The following UFM1 variants were observed in gnomAD, a reference collection of about 807,000 sequenced individuals.
The protein encoded by UFM1 is ubiquitin-fold modifier 1.
UFM1 carries 9 observed loss-of-function variants against 15.4 expected under a neutral mutation model. That is an observed-to-expected ratio of 0.59 (90% CI 0.35 to 1.02). The LOEUF is 1.02. Among genes scored for constraint, UFM1 ranks in the 50% least tolerant of loss-of-function variants. The pLI, the probability that UFM1 is intolerant of heterozygous loss-of-function variation, is 0.02. For synonymous variants in UFM1, 27 were observed against 36.3 expected (o/e 0.74, Z 0.92); for missense variants, 98 against 104.7 (o/e 0.94, Z 0.28).
intron 3 of UFM1, among the ~76,000 whole-genome samples, chr13:38,356,809 C>G (rs1343658175): frequency 6.6e-6 from 1 of 151,376 alleles, no homozygotes. Context: ...GAGAAGACCA[C>G]TAGTTAAATG....
chr13:38,356,664 T>G (rs1382982097), intron 3 of UFM1, among the ~76,000 whole-genome samples: 2 of 133,564 alleles, frequency 1.5e-5, no homozygotes, highest in Non-Finnish European at 3.1e-5. Context: ...GAGTAGTGTT[T>G]CCCAGACAAC....
At position 38,358,114 on chromosome 13, in the gene UFM1, A is replaced by T; in HGVS notation, c.139A>T (p.Ser47Cys). Reference protein sequence around the residue: ...AEEFKVPAATSAIITNDGIGI... With the variant: ...AEEFKVPAATCAIITNDGIGI... Reference sequence around the variant, plus strand: ...TTAGTTTAAAGTTCCTGCTGCAACAAGTGCAATTATTACCAATGGTAAGAA... The same window carrying T: ...TTAGTTTAAAGTTCCTGCTGCAACATGTGCAATTATTACCAATGGTAAGAA... Residue 47 changes from serine (S) to cysteine (C), a missense_variant, in exon 4 of 6, where the codon AGT becomes TGT. By Grantham distance (112) the Ser-to-Cys change is moderately radical. Transcript: ENST00000239878. The T allele has an allele frequency of 6.9e-7, 1 of 1,454,924 alleles. No homozygotes were observed. Among genetic ancestry groups the T allele is most frequent in the South Asian group, 1.5e-5 (1 of 68,556 alleles). The allele number at this position is 1,454,924 out of a possible 1,614,324, so 90.1% of individuals were successfully genotyped here.
intron 2 of UFM1, among the ~76,000 whole-genome samples, chr13:38,352,102 CTTTTT>C (rs35879418): frequency 3.8e-5 from 4 of 105,342 alleles, no homozygotes; most frequent in Non-Finnish European, 6.2e-5. Flanking sequence ...TTCTTTCTTT[CTTTTT>C]TTTTTTTTTT....
chr13:38,362,473 T>G lies in UFM1; in HGVS notation c.*1695T>G, dbSNP rs1039059731. The G allele has an allele frequency of 6.6e-5, 10 of 151,178 alleles. No individual in the cohort carries two copies. The highest frequency in any genetic ancestry group is 1.9e-4 in the African/African-American group (8 of 41,284). 9.4% of individuals were successfully genotyped at this position (151,178 alleles called of 1,614,324 possible). ...TATTTTTATTTATTTGTTTTGTTTT[T>G]TTTTTTTTGAGGCAGACTCTCTGTC... On this transcript the variant is annotated 3_prime_UTR_variant, in exon 6 of 6. Coordinates refer to ENST00000239878, the MANE Select transcript of UFM1 (RefSeq NM_016617.4).
intron 5 of UFM1, chr13:38,360,122 T>A (rs954137359): frequency 6.2e-6 from 2 of 323,780 alleles, no homozygotes; most frequent in African/African-American, 4.5e-5. Flanking sequence ...GTTGTTAATA[T>A]ATAATTTTAT....
rs1343485205 is a variant in UFM1, at chr13:38,362,589, CAGGG to C, written c.*1815_*1818del. 3.3e-5 allele frequency: 5 copies of C among 151,220 alleles called. No homozygotes were observed. In the East Asian group the frequency reaches 5.8e-4, roughly 18 times the overall value. The allele number at this position is 151,220 out of a possible 1,614,324, so 9.4% of individuals were successfully genotyped here. A position where few individuals can be genotyped will look rare whatever the true frequency, so the allele number is the denominator to read the frequency against. ...CTAATTTTTGTATTTTTAGCAGAGA[CAGGG>C]AGGAAGTTTTTATTTTTATAAACAA... On this transcript the variant is annotated 3_prime_UTR_variant, in exon 6 of 6. Coordinates refer to ENST00000239878, the MANE Select transcript of UFM1 (RefSeq NM_016617.4).
In UFM1 at chr13:38,354,285, G is replaced by A; in HGVS notation, c.106G>A (p.Ala36Thr). 4 of 1,610,406 alleles carry A rather than the reference G, an allele frequency of 2.5e-6. No homozygotes were observed. The highest frequency in any genetic ancestry group is 3.4e-6 in the Non-Finnish European group (4 of 1,177,566). The change falls in exon 3 of 6, where the codon GCA (alanine) becomes ACA (threonine). Residue 36 changes from alanine to threonine, a missense_variant. Ala to Thr is a moderately conservative substitution (Grantham distance 58). Transcript: ENST00000239878. ...ACCTTTCACAGCAGTCTTAAAGTTT[G>A]CAGCAGAAGAAGTAAGTACAGAAGT... ...STPFTAVLKF[A>T]AEEFKVPAAT...
In UFM1 at chr13:38,360,999, G is replaced by A. The variant is rs1879354001; in HGVS notation, c.*221G>A. 2 of 390,488 alleles carry A rather than the reference G, an allele frequency of 5.1e-6. No individual in the cohort carries two copies. Among genetic ancestry groups the A allele is most frequent in the Admixed American group, 9.0e-5 (2 of 22,216 alleles). 24.2% of individuals were successfully genotyped at this position (390,488 alleles called of 1,614,324 possible). On this transcript the variant is annotated 3_prime_UTR_variant, in exon 6 of 6. Coordinates refer to ENST00000239878, the MANE Select transcript of UFM1 (RefSeq NM_016617.4). ...ACTGTCACAGAAGATCATAGTCTTT[G>A]ATGCTACCTCACAACACAAACAGGT...
At chr13:38,354,135 G>C (rs1209577931) in intron 2 of UFM1, 104 bp from the exon 3 acceptor site, 1 of 958,342 alleles carries the variant, frequency 1.0e-6, no homozygotes, top group Non-Finnish European at 1.5e-6. Context: ...AAACTGAAAA[G>C]ACAGCTTTGT....
chr13:38,355,373 T>C (rs1879048404), intron 3 of UFM1, among the ~76,000 whole-genome samples: 1 of 152,012 alleles, frequency 6.6e-6, no homozygotes, highest in Non-Finnish European at 1.5e-5. Flanking sequence ...GGGACACAAA[T>C]CTGAGTATAG....
Position 38,362,944 on chromosome 13 carries a change from T to A in UFM1, c.*2166T>A, listed in dbSNP as rs1486196512. 1 of 152,234 alleles carries A rather than the reference T, an allele frequency of 6.6e-6. No homozygotes were observed. Among genetic ancestry groups the A allele is most frequent in the African/African-American group, 2.4e-5 (1 of 41,462 alleles). The allele number at this position is 152,234 out of a possible 1,614,324, so 9.4% of individuals were successfully genotyped here. Reference sequence around the variant, plus strand: ...ATGATTTGAAGTATTGTATTCAGTTTACATGCGTTATTGGTTTATAATTAA... The same window carrying A: ...ATGATTTGAAGTATTGTATTCAGTTAACATGCGTTATTGGTTTATAATTAA... On this transcript the variant is annotated 3_prime_UTR_variant, in exon 6 of 6. Transcript: ENST00000239878.
intron 2 of UFM1, chr13:38,350,335 T>G: frequency 8.1e-7 from 1 of 1,232,782 alleles, no homozygotes; most frequent in Non-Finnish European, 1.1e-6. Context: ...GGTGGGCAGG[T>G]GGCGCGGGAG....
At position 38,354,479 on chromosome 13, in the gene UFM1, A is replaced by G. The variant is rs537298900; in HGVS notation, c.117+183A>G. 2.1e-5 allele frequency: 9 copies of G among 421,326 alleles called. No homozygotes were observed. In the East Asian group the frequency reaches 3.2e-4, roughly 15 times the overall value. 26.1% of individuals were successfully genotyped at this position (421,326 alleles called of 1,614,324 possible). A position where few individuals can be genotyped will look rare whatever the true frequency, so the allele number is the denominator to read the frequency against. The stretch of plus-strand genomic sequence containing the variant: ...CAGATATAAGAAGCATGAGTTAAAC[A>G]AATTGACATATCTGATTAATGCAAC... On this transcript the variant is annotated intron_variant, in intron 3 of 5. Transcript: ENST00000239878.
chr13:38,350,639 A>AG (rs1213688870), intron 2 of UFM1, among the ~76,000 whole-genome samples: 1 of 152,204 alleles, frequency 6.6e-6, no homozygotes, highest in African/African-American at 2.4e-5. Flanking sequence ...AAATGCAGAT[A>AG]GGGGATAGTT....
chr13:38,360,653 A>G lies in UFM1; in HGVS notation c.191-58A>G, dbSNP rs1420531750. ...ATTTATTATATTTAATAATTGTCAG[A>G]ATATTAAGATAACTTGATTTTTAGA... On this transcript the variant is annotated intron_variant, in intron 5 of 5. Transcript: ENST00000239878. The G allele has an allele frequency of 2.3e-6, 3 of 1,280,932 alleles. No homozygotes were observed. The African/African-American group carries it at 4.5e-5, about 19-fold the overall frequency. The allele number at this position is 1,280,932 out of a possible 1,614,324, so 79.3% of individuals were successfully genotyped here. A position where few individuals can be genotyped will look rare whatever the true frequency, so the allele number is the denominator to read the frequency against.
In UFM1 at chr13:38,359,304, G is replaced by T; in HGVS notation, c.161G>T (p.Gly54Val). The change falls in exon 5 of 6, where the codon GGA (glycine) becomes GTA (valine). Residue 54 changes from glycine (G) to valine (V), a missense_variant. Gly to Val is a moderately radical substitution (Grantham distance 109). Transcript: ENST00000239878. ...GATTTTACAACTTATTTTCTAGATG[G>T]AATAGGAATAAATCCTGCACAGACT... ...AATSAIITNDGIGINPAQTAG... is the reference protein window; with the variant it reads ...AATSAIITNDVIGINPAQTAG... The T allele has an allele frequency of 6.2e-7, 1 of 1,609,978 alleles. No homozygotes were observed. The highest frequency in any genetic ancestry group is 1.1e-5 in the South Asian group (1 of 90,616).
intron 2 of UFM1, among the ~76,000 whole-genome samples, chr13:38,352,171 T>C (rs922746776): frequency 6.6e-6 from 1 of 151,570 alleles, no homozygotes; most frequent in Non-Finnish European, 1.5e-5. Flanking sequence ...TGGCACGATC[T>C]TGGCTCACTG....
rs1879407274 is a variant in UFM1, at chr13:38,361,858, T to C, written c.*1080T>C. ...ACTGGATAGACAAAACTGCAGAAGG[T>C]GTATGTTGGGGAGAACTGAAAGGGA... On this transcript the variant is annotated 3_prime_UTR_variant, in exon 6 of 6. Coordinates refer to ENST00000239878, the MANE Select transcript of UFM1 (RefSeq NM_016617.4). 1.3e-5 allele frequency: 2 copies of C among 152,118 alleles called. 1 individual carries two copies. Among genetic ancestry groups the C allele is most frequent in the South Asian group, 4.1e-4 (2 of 4,824 alleles). The allele number at this position is 152,118 out of a possible 1,614,324, so 9.4% of individuals were successfully genotyped here. A position where few individuals can be genotyped will look rare whatever the true frequency, so the allele number is the denominator to read the frequency against.
intron 2 of UFM1, among the ~76,000 whole-genome samples, chr13:38,353,860 A>C (rs1342763105): frequency 6.6e-6 from 1 of 152,148 alleles, no homozygotes; most frequent in East Asian, 1.9e-4. Flanking sequence ...GTGCATAGAT[A>C]TTTAGATGGG....
Sources: allele counts gnomAD v4.1 joint callset (sites outside exome capture counted in the v4.1 genomes callset), GRCh38; gene constraint gnomAD v4.1.1; transcripts MANE v1.5; gene names NCBI Gene and HGNC (gene_info 2026-07-23, HGNC 2026-07-21).